SEPHS1: variants seen among roughly 807,000 people sequenced by gnomAD.
The protein encoded by SEPHS1 is zincore component SEPHS1.
A neutral mutation model predicts 39.2 loss-of-function variants in SEPHS1; 7 were observed. The observed-to-expected ratio is 0.18, with a 90% CI of 0.10 to 0.34. The LOEUF (loss-of-function observed/expected upper bound fraction) is 0.34, where lower values mean the gene tolerates loss of function less well. SEPHS1 is among the 10% of genes least tolerant of loss of function. The probability of loss-of-function intolerance (pLI) is 1.00; values close to 1 mark genes in which losing one functional copy is unlikely to be tolerated. For missense variants in SEPHS1, 253 were observed against 514.5 expected, an observed-to-expected ratio of 0.49 and a Z score of 4.92; for synonymous variants, 190 against 195.5, an observed-to-expected ratio of 0.97 and a Z score of 0.23.
intron 5 of SEPHS1, among the ~76,000 whole-genome samples, chr10:13,332,767 C>T (rs112712433): frequency 0.036 from 5,480 of 151,132 alleles, 169 homozygotes; most frequent in Admixed American, 0.059. Flanking sequence ...GGCATGAACC[C>T]GGGAGATGGA....
intron 5 of SEPHS1, 141 bp downstream of exon 5, chr10:13,333,676 G>A: frequency 2.6e-6 from 2 of 769,986 alleles, no homozygotes; most frequent in East Asian, 2.8e-5. Context: ...CCTGACCTCA[G>A]GTGATCTGCC....
intron 1 of SEPHS1, among the ~76,000 whole-genome samples, chr10:13,347,663 G>C (rs948928090): frequency 1.4e-5 from 2 of 146,542 alleles, no homozygotes; most frequent in African/African-American, 4.9e-5. Context: ...CCGCGCGCAC[G>C]GGCCGCCGCC....
intron 1 of SEPHS1, 50 bp downstream of exon 1, chr10:13,347,950 G>C (rs1253173762): frequency 6.8e-6 from 1 of 147,472 alleles, no homozygotes; most frequent in East Asian, 2.0e-4. Context: ...TGCGGACCCA[G>C]ATTCCCCTTT....
At chr10:13,325,552 G>A (rs893351883) in intron 7 of SEPHS1, among the ~76,000 whole-genome samples, 5 of 152,108 alleles carry the variant, frequency 3.3e-5, no homozygotes, top group Non-Finnish European at 7.4e-5. Flanking sequence ...CATCTGCCAC[G>A]ACTGTAAGTT....
At chr10:13,341,606 T>C (rs1170542744) in intron 2 of SEPHS1, among the ~76,000 whole-genome samples, 4 of 152,182 alleles carry the variant, frequency 2.6e-5, no homozygotes, top group African/African-American at 9.7e-5. Flanking sequence ...TGGTTAACCC[T>C]TCAATTAACA....
At chr10:13,328,496 G>A in intron 6 of SEPHS1, 46 bp from the exon 7 acceptor site, 2 of 1,329,496 alleles carry the variant, frequency 1.5e-6, no homozygotes, top group Non-Finnish European at 1.1e-6. Context: ...AGGAAAATGT[G>A]ATTAATCTTT....
chr10:13,332,248 G>A (rs571317451), intron 5 of SEPHS1, among the ~76,000 whole-genome samples: 67 of 152,316 alleles, frequency 4.4e-4, no homozygotes, highest in African/African-American at 1.6e-3. Context: ...AAAACATTCC[G>A]CTATGGGAGT....
rs570352242 is a variant in SEPHS1, at chr10:13,333,630, A to G, written c.560+187T>C. Among the ~76,000 whole-genome samples, 947 of 149,096 alleles carry G rather than the reference A, an allele frequency of 6.4e-3. 11 individuals carry two copies. Among genetic ancestry groups the G allele is most frequent in the African/African-American group, 0.022 (886 of 40,236 alleles). ...TAATTTTTGTATTTTTAGTAGAGAC[A>G]GGGTTTCGCCACATTGGCCAGGCTG... On this transcript the variant is annotated intron_variant, in intron 5 of 8. Transcript: ENST00000327347.
At chr10:13,320,677 C>G (rs1833083538) in intron 8 of SEPHS1, among the ~76,000 whole-genome samples, 1 of 151,730 alleles carries the variant, frequency 6.6e-6, no homozygotes. Context: ...AACCTCGTCT[C>G]TAAATTAGCT....
chr10:13,323,818 T>C (rs1443276541), intron 7 of SEPHS1, among the ~76,000 whole-genome samples: 4 of 151,740 alleles, frequency 2.6e-5, no homozygotes, highest in Middle Eastern at 3.4e-3. Context: ...CATAACTCAC[T>C]GCACTTGGGC....
At chr10:13,329,831 G>T in intron 5 of SEPHS1, 43 bp from the exon 6 acceptor site, 1 of 1,428,036 alleles carries the variant, frequency 7.0e-7, no homozygotes, top group Non-Finnish European at 9.7e-7. Flanking sequence ...ACTAACCAAG[G>T]AGATGAGCTC....
At chr10:13,332,526 C>T (rs1047237258) in intron 5 of SEPHS1, among the ~76,000 whole-genome samples, 9 of 152,222 alleles carry the variant, frequency 5.9e-5, no homozygotes, top group African/African-American at 1.4e-4. Flanking sequence ...AATTTTGTTA[C>T]GTGAATTATA....
At chr10:13,325,894 T>G (rs1833252072) in intron 7 of SEPHS1, among the ~76,000 whole-genome samples, 1 of 16,610 alleles carries the variant, frequency 6.0e-5, no homozygotes, top group African/African-American at 2.3e-4. Context: ...AGACTCCGTC[T>G]CAAAAAAAAA....
At chr10:13,338,876 T>C (rs773381984) in intron 2 of SEPHS1, 68 bp from the exon 3 acceptor site, 18 of 1,127,344 alleles carry the variant, frequency 1.6e-5, no homozygotes, top group Non-Finnish European at 2.4e-5. Flanking sequence ...ATATCACCAG[T>C]GCTCTGAACA....
intron 5 of SEPHS1, among the ~76,000 whole-genome samples, chr10:13,330,180 CCT>C (rs1833422926): frequency 6.6e-6 from 1 of 152,122 alleles, no homozygotes; most frequent in Non-Finnish European, 1.5e-5. Flanking sequence ...CCAGATTTCC[CCT>C]CGACCACATA....
intron 8 of SEPHS1, among the ~76,000 whole-genome samples, chr10:13,320,840 C>A (rs1304069174): frequency 1.3e-5 from 2 of 152,112 alleles, no homozygotes; most frequent in African/African-American, 4.8e-5. Context: ...AAATTAAAAA[C>A]TTCCTATTTC....
In SEPHS1 at chr10:13,332,768, G is replaced by A. The variant is rs11258332; in HGVS notation, c.560+1049C>T. Among the ~76,000 whole-genome samples, 358 of 151,756 alleles carry A rather than the reference G, an allele frequency of 2.4e-3. 2 individuals are homozygous for A. Among genetic ancestry groups the A allele is most frequent in the African/African-American group, 8.3e-3 (342 of 41,324 alleles). The stretch of plus-strand genomic sequence containing the variant: ...TGAGGCAGGAGAATGGCATGAACCC[G>A]GGAGATGGAGCTTGCAGTGAGCCGA... On this transcript the variant is annotated intron_variant, in intron 5 of 8. Transcript: ENST00000327347.
At chr10:13,328,116 AAT>A (rs1833358620) in intron 7 of SEPHS1, among the ~76,000 whole-genome samples, 1 of 152,178 alleles carries the variant, frequency 6.6e-6, no homozygotes, top group African/African-American at 2.4e-5. Flanking sequence ...GCTTTCTAGA[AAT>A]AGTTCCTCTG....
chr10:13,334,098 A>AC, intron 4 of SEPHS1, 127 bp from the exon 5 acceptor site: 3 of 842,782 alleles, frequency 3.6e-6, no homozygotes, highest in Non-Finnish European at 5.4e-6. Context: ...AAGTTTACAG[A>AC]CAGGGAAGGT....
Sources: gnomAD v4.1 joint callset for allele counts (sites outside exome capture counted in the v4.1 genomes callset) on GRCh38, gnomAD v4.1.1 for gene constraint, MANE v1.5 for transcripts, NCBI Gene and HGNC (gene_info 2026-07-23, HGNC 2026-07-21) for gene names.